CSMD1: variants seen among roughly 807,000 people sequenced by gnomAD.
CSMD1 encodes the protein CUB and Sushi multiple domains 1, also known as CUB and sushi domain-containing protein 1.
Under a neutral mutation model 417.5 loss-of-function variants are expected in CSMD1, and 213 were observed. The observed-to-expected ratio is 0.51, with a 90% CI of 0.46 to 0.57. The LOEUF is 0.57. CSMD1 is among the 20% of genes least tolerant of loss of function. The pLI, the probability that CSMD1 is intolerant of heterozygous loss-of-function variation, is 0.00. For missense variants in CSMD1, 6,923 were observed against 4,529.7 expected, an observed-to-expected ratio of 1.53 and a Z score of -15.17; for synonymous variants, 2,862 against 1,736.8, an observed-to-expected ratio of 1.65 and a Z score of -16.11.
intron 10 of CSMD1, among the ~76,000 whole-genome samples, chr8:3,548,285 CTTAT>C (rs1470339297): frequency 4.6e-5 from 7 of 152,082 alleles, no homozygotes; most frequent in Admixed American, 4.6e-4. Context: ...TTTTAAAATG[CTTAT>C]TTAATTATTA....
chr8:4,142,071 AT>A (rs1803825696), intron 3 of CSMD1, among the ~76,000 whole-genome samples: 1 of 151,270 alleles, frequency 6.6e-6, no homozygotes, highest in Admixed American at 6.6e-5. Context: ...TGAAAAAAAA[AT>A]AACTCCATAC....
At chr8:4,063,719 C>G (rs1315769886) in intron 3 of CSMD1, among the ~76,000 whole-genome samples, 1 of 152,176 alleles carries the variant, frequency 6.6e-6, no homozygotes, top group Non-Finnish European at 1.5e-5. Context: ...AAGGAGTCCA[C>G]TGCCTTAGAA....
chr8:3,976,023 A>C (rs941881758), intron 5 of CSMD1, among the ~76,000 whole-genome samples: 1 of 152,138 alleles, frequency 6.6e-6, no homozygotes, highest in African/African-American at 2.4e-5. Flanking sequence ...TGAAAAGATC[A>C]ATATATTCAA....
chr8:3,817,252 C>CTTTTTTTTTTTTTTTTT (rs767668610), intron 5 of CSMD1, among the ~76,000 whole-genome samples: 6 of 54,420 alleles, frequency 1.1e-4, no homozygotes, highest in East Asian at 7.0e-4. Flanking sequence ...TCTTCTTCTT[C>CTTTTTTTTTTTTTTTTT]TTTTTTTTTT....
At chr8:3,203,129 A>C (rs190922432) in intron 31 of CSMD1, among the ~76,000 whole-genome samples, 18 of 152,272 alleles carry the variant, frequency 1.2e-4, no homozygotes, top group Admixed American at 3.3e-4. Flanking sequence ...CTCATACTAG[A>C]AACTAAGAAA....
In CSMD1 at chr8:4,949,649, T is replaced by A. The variant is rs58350700; in HGVS notation, c.85+44683A>T. Among the ~76,000 whole-genome samples the A allele has an allele frequency of 9.8e-3, 1,494 of 152,288 alleles. 18 individuals carry two copies. The highest frequency in any genetic ancestry group is 0.034 in the African/African-American group (1,431 of 41,558). On this transcript the variant is annotated intron_variant, in intron 1 of 69. Transcript: ENST00000635120. ...CAACCAAGAAGCATCTGACCCCACA[T>A]GGCAATAGTGCCAAGGCTGAGAAAT...
intron 5 of CSMD1, among the ~76,000 whole-genome samples, chr8:3,788,075 A>C (rs537855320): frequency 6.6e-6 from 1 of 152,276 alleles, no homozygotes; most frequent in South Asian, 2.1e-4. Context: ...CCATCCAGTG[A>C]GTGTTCTTTG....
chr8:4,604,846 C>T (rs1407071653), intron 2 of CSMD1, among the ~76,000 whole-genome samples: 1 of 152,158 alleles, frequency 6.6e-6, no homozygotes, highest in Non-Finnish European at 1.5e-5. Context: ...CAGTATAGTA[C>T]TCTGATAGCA....
intron 10 of CSMD1, among the ~76,000 whole-genome samples, chr8:3,553,437 A>C (rs1234113518): frequency 6.6e-6 from 1 of 152,230 alleles, no homozygotes; most frequent in Non-Finnish European, 1.5e-5. Context: ...ATGTCTATTC[A>C]GTTCCTCAGT....
chr8:3,327,523 C>T (rs941646762), intron 23 of CSMD1, among the ~76,000 whole-genome samples: 2 of 152,116 alleles, frequency 1.3e-5, no homozygotes, highest in Non-Finnish European at 2.9e-5. Flanking sequence ...AACATAATAT[C>T]AGTTTAATGT....
chr8:3,640,109 TC>T (rs546458793), intron 7 of CSMD1, among the ~76,000 whole-genome samples: 306 of 152,298 alleles, frequency 2.0e-3, no homozygotes, highest in African/African-American at 7.3e-3. Context: ...CATGTAGAGG[TC>T]CTTTTTTCCA....
rs142576260 is a variant in CSMD1, at chr8:3,660,585, A to G, written c.1010-43788T>C. Reference sequence around the variant, plus strand: ...GTCCAGGCAAGAGTGCAGTGGTGCAATCTCAGCTCACTGCACCCTCCACCT... The same window carrying G: ...GTCCAGGCAAGAGTGCAGTGGTGCAGTCTCAGCTCACTGCACCCTCCACCT... On this transcript the variant is annotated intron_variant, in intron 7 of 69. Transcript: ENST00000635120. Among the ~76,000 whole-genome samples, 489 of 135,612 alleles carry G rather than the reference A, an allele frequency of 3.6e-3. 20 individuals are homozygous for G. The highest frequency in any genetic ancestry group is 0.028 in the East Asian group (118 of 4,236). 89.0% of individuals were successfully genotyped at this position (135,612 alleles called of 152,430 possible).
chr8:3,932,147 G>A (rs920829416), intron 5 of CSMD1, among the ~76,000 whole-genome samples: 2 of 150,240 alleles, frequency 1.3e-5, no homozygotes, highest in African/African-American at 2.5e-5. Flanking sequence ...ATTGAGGACA[G>A]TGCTGGAATG....
At chr8:3,391,900 G>C (rs1477283308) in intron 17 of CSMD1, among the ~76,000 whole-genome samples, 1 of 152,146 alleles carries the variant, frequency 6.6e-6, no homozygotes, top group African/African-American at 2.4e-5. Flanking sequence ...AAACAGAAGA[G>C]ATGAGCAATA....
At chr8:4,157,099 C>T (rs576824833) in intron 3 of CSMD1, among the ~76,000 whole-genome samples, 1 of 152,164 alleles carries the variant, frequency 6.6e-6, no homozygotes, top group Non-Finnish European at 1.5e-5. Context: ...TGACAAATCT[C>T]ACTGCCTATC....
intron 5 of CSMD1, among the ~76,000 whole-genome samples, chr8:3,861,195 C>G (rs535948617): frequency 6.6e-6 from 1 of 152,134 alleles, no homozygotes; most frequent in African/African-American, 2.4e-5. Flanking sequence ...TTCTTGGCAA[C>G]GAGGTTCAGT....
intron 1 of CSMD1, among the ~76,000 whole-genome samples, chr8:4,938,425 G>A (rs973766699): frequency 2.0e-5 from 3 of 152,082 alleles, no homozygotes; most frequent in Non-Finnish European, 2.9e-5. Flanking sequence ...TCAACAAGTG[G>A]CATATGCATA....
At chr8:3,837,664 G>A (rs996819220) in intron 5 of CSMD1, among the ~76,000 whole-genome samples, 2 of 152,122 alleles carry the variant, frequency 1.3e-5, no homozygotes, top group Non-Finnish European at 2.9e-5. Flanking sequence ...ATCCTACATA[G>A]GCACAGGGAT....
At chr8:3,783,430 C>T (rs1324250324) in intron 5 of CSMD1, among the ~76,000 whole-genome samples, 1 of 152,176 alleles carries the variant, frequency 6.6e-6, no homozygotes, top group Non-Finnish European at 1.5e-5. Context: ...CTGGGCGGCC[C>T]TATGCTGATG....
Sources: allele counts gnomAD v4.1 joint callset (sites outside exome capture counted in the v4.1 genomes callset), GRCh38; gene constraint gnomAD v4.1.1; transcripts MANE v1.5; gene names NCBI Gene and HGNC (gene_info 2026-07-23, HGNC 2026-07-21).